The following COL22A1 variants were observed in gnomAD, a reference collection of about 807,000 sequenced individuals.
COL22A1 encodes collagen alpha-1(XXII) chain.
Under a neutral mutation model 248.9 loss-of-function variants are expected in COL22A1, and 221 were observed. The ratio of observed to expected loss-of-function variants is 0.89; its 90% CI spans 0.80 to 0.99. The LOEUF is 0.99. COL22A1 is among the 50% of genes least tolerant of loss of function. COL22A1 has a pLI of 0.00. For synonymous variants in COL22A1, 891 were observed against 793.4 expected, an observed-to-expected ratio of 1.12 and a Z score of -2.07; for missense variants, 2,240 against 2,179.0, an observed-to-expected ratio of 1.03 and a Z score of -0.56.
chr8:138,718,727 A>T (rs1829638356), intron 27 of COL22A1, among the ~76,000 whole-genome samples: 1 of 152,260 alleles, frequency 6.6e-6, no homozygotes, highest in Non-Finnish European at 1.5e-5. Flanking sequence ...ATGACCGGAG[A>T]AATTCAGTTT....
In COL22A1 at chr8:138,739,355, C is replaced by G. The variant is rs554151916; in HGVS notation, c.2086-1778G>C. ...GTTTCCTTCTGCCTGGGTTTGTTCC[C>G]CAGGTATCCACATAGATCAGTTTTT... On this transcript the variant is annotated intron_variant, in intron 22 of 64. Transcript: ENST00000303045. Among the ~76,000 whole-genome samples the G allele has an allele frequency of 3.3e-5, 5 of 152,248 alleles. No individual in the cohort carries two copies. In the South Asian group the frequency reaches 1.0e-3, roughly 32 times the overall value.
intron 39 of COL22A1, among the ~76,000 whole-genome samples, chr8:138,681,630 G>A (rs923852838): frequency 3.9e-5 from 6 of 152,102 alleles, no homozygotes; most frequent in East Asian, 1.9e-4. Context: ...ACTGCAGATC[G>A]GACTGGGCTG....
intron 45 of COL22A1, among the ~76,000 whole-genome samples, chr8:138,655,035 T>C (rs1823107542): frequency 1.3e-5 from 2 of 152,212 alleles, no homozygotes; most frequent in African/African-American, 4.8e-5. Context: ...GAGTTAGTCC[T>C]GTCTGGGTTA....
At chr8:138,833,971 C>A (rs992689857) in intron 4 of COL22A1, among the ~76,000 whole-genome samples, 1 of 152,150 alleles carries the variant, frequency 6.6e-6, no homozygotes, top group Admixed American at 6.5e-5. Context: ...ATGTGTCACT[C>A]GGCATATGGT....
At chr8:138,836,186 G>T (rs1250085621) in intron 4 of COL22A1, among the ~76,000 whole-genome samples, 2 of 152,158 alleles carry the variant, frequency 1.3e-5, no homozygotes, top group Admixed American at 1.3e-4. Context: ...CAGGAGAATT[G>T]CTTGGACTCA....
At chr8:138,674,719 C>A (rs1587833132) in intron 41 of COL22A1, among the ~76,000 whole-genome samples, 1 of 152,218 alleles carries the variant, frequency 6.6e-6, no homozygotes, top group African/African-American at 2.4e-5. Context: ...TCACGTAGAA[C>A]CCTGGTAAGT....
chr8:138,777,563 C>T (rs1466290649), intron 15 of COL22A1, among the ~76,000 whole-genome samples: 1 of 152,204 alleles, frequency 6.6e-6, no homozygotes, highest in African/African-American at 2.4e-5. Flanking sequence ...GTTCCTCTCC[C>T]TGTGTCCATG....
chr8:138,887,246 A>G lies in COL22A1; in HGVS notation c.-72-4002T>C, dbSNP rs1021396155. Among the ~76,000 whole-genome samples, 126 of 142,256 alleles carry G rather than the reference A, an allele frequency of 8.9e-4. 1 individual carries two copies. Among genetic ancestry groups the G allele is most frequent in the African/African-American group, 3.3e-3 (125 of 37,806 alleles). 93.3% of individuals were successfully genotyped at this position (142,256 alleles called of 152,430 possible). A position where few individuals can be genotyped will look rare whatever the true frequency, so the allele number is the denominator to read the frequency against. On this transcript the variant is annotated intron_variant, in intron 1 of 64. Transcript: ENST00000303045. ...CTCTCATTGTTTTTTTTTTTTTTAG[A>G]TGGAGTCTTACTCTGTTGCCCAGGC...
intron 57 of COL22A1, among the ~76,000 whole-genome samples, chr8:138,607,070 A>G (rs968021272): frequency 6.6e-6 from 1 of 152,136 alleles, no homozygotes; most frequent in African/African-American, 2.4e-5. Context: ...TAGTCCAACA[A>G]GAGGAGGGTC....
rs574000471 is a variant in COL22A1 at position 138,845,646 on chromosome 8, C to T, written c.659-1488G>A. ...ATGTGCTGAGTCCATGCTGACTACA[C>T]TCCCGCCTACCCTCTGTGGCTTAGA... On this transcript the variant is annotated intron_variant, in intron 3 of 64. Transcript: ENST00000303045. 4.1e-4 allele frequency among the ~76,000 whole-genome samples: 63 copies of T among 152,292 alleles called. No individual in the cohort carries two copies. In the South Asian group the frequency reaches 5.2e-3, roughly 13 times the overall value.
rs1416703230 is a variant in COL22A1 at position 138,691,039 on chromosome 8, T to C, written c.2755-165A>G. ...GAACCTCCTCTCCGGAGGGCTGTGG[T>C]GTCCCAAGCACCAAGCCTCAGGTGA... On this transcript the variant is annotated intron_variant, in intron 35 of 64. Coordinates refer to ENST00000303045, the MANE Select transcript of COL22A1 (RefSeq NM_152888.3). 2.0e-5 allele frequency among the ~76,000 whole-genome samples: 3 copies of C among 152,190 alleles called. No individual in the cohort carries two copies. The East Asian group carries it at 5.8e-4, about 29-fold the overall frequency.
At chr8:138,750,791 G>C (rs1216508552) in intron 22 of COL22A1, among the ~76,000 whole-genome samples, 1 of 152,198 alleles carries the variant, frequency 6.6e-6, no homozygotes, top group African/African-American at 2.4e-5. Flanking sequence ...CTGACTTCCT[G>C]CCCTGTGCCA....
chr8:138,605,752 T>A (rs1818373066), intron 58 of COL22A1, among the ~76,000 whole-genome samples: 1 of 152,162 alleles, frequency 6.6e-6, no homozygotes, highest in Admixed American at 6.5e-5. Context: ...AATGTTTGAA[T>A]CCCTCAGCAT....
At chr8:138,592,827 C>T (rs2131779621) in intron 63 of COL22A1, among the ~76,000 whole-genome samples, 1 of 152,124 alleles carries the variant, frequency 6.6e-6, no homozygotes, top group Middle Eastern at 3.4e-3. Context: ...ATTATATAAG[C>T]TATTTGAAAG....
chr8:138,688,571 A>C (rs1287047302), intron 37 of COL22A1, among the ~76,000 whole-genome samples: 1 of 152,084 alleles, frequency 6.6e-6, no homozygotes, highest in Non-Finnish European at 1.5e-5. Flanking sequence ...GTGTGAGCAT[A>C]GGTGTATAAT....
chr8:138,724,517 A>G (rs1830147743), intron 25 of COL22A1, 98 bp downstream of exon 25: 1 of 1,196,216 alleles, frequency 8.4e-7, no homozygotes, highest in Admixed American at 1.9e-5. Context: ...CCTCAGCTCT[A>G]GGAAAGTGGC....
chr8:138,693,730 A>G (rs1453062667), intron 34 of COL22A1, 31 bp from the exon 35 acceptor site: 1 of 1,554,184 alleles, frequency 6.4e-7, no homozygotes, highest in Non-Finnish European at 8.7e-7. Flanking sequence ...GGGCGGGGGT[A>G]AGACACCCTC....
At chr8:138,833,363 C>T (rs897627463) in intron 4 of COL22A1, among the ~76,000 whole-genome samples, 1 of 152,212 alleles carries the variant, frequency 6.6e-6, no homozygotes. Context: ...GAAAAAGGTG[C>T]AGGAGAACAC....
At chr8:138,641,185 G>T (rs1280190695) in intron 47 of COL22A1, among the ~76,000 whole-genome samples, 1 of 152,204 alleles carries the variant, frequency 6.6e-6, no homozygotes. Context: ...CATGGAGTAA[G>T]TGGCTCTGGG....
Sources: allele counts gnomAD v4.1 joint callset (sites outside exome capture counted in the v4.1 genomes callset), GRCh38; gene constraint gnomAD v4.1.1; transcripts MANE v1.5; gene names NCBI Gene and HGNC (gene_info 2026-07-23, HGNC 2026-07-21).